The following PRKG1 variants were observed in gnomAD, a reference collection of about 807,000 sequenced individuals.
PRKG1 encodes the protein protein kinase cGMP-dependent 1.
In PRKG1, 35 loss-of-function variants were observed where a neutral mutation model predicts 88.1. The observed-to-expected ratio is 0.40, with a 90% confidence interval of 0.30 to 0.53. The LOEUF (loss-of-function observed/expected upper bound fraction) is 0.53. Ranked by LOEUF, PRKG1 falls within the 20% of genes least tolerant of loss-of-function variation. The probability of loss-of-function intolerance (pLI) is 0.59; values close to 1 mark genes in which losing one functional copy is unlikely to be tolerated. For synonymous variants in PRKG1, 303 were observed against 292.5 expected (o/e 1.04, Z -0.37); for missense variants, 540 against 839.8 (o/e 0.64, Z 4.41).
intron 1 of PRKG1, among the ~76,000 whole-genome samples, chr10:51,049,756 T>C (rs1051635155): frequency 6.6e-6 from 1 of 152,238 alleles, no homozygotes; most frequent in African/African-American, 2.4e-5. Context: ...GCCCAACATA[T>C]AATTACTGAT....
chr10:51,126,526 TA>T (rs1427882279), intron 1 of PRKG1, among the ~76,000 whole-genome samples: 1 of 146,676 alleles, frequency 6.8e-6, no homozygotes, highest in Non-Finnish European at 1.5e-5. Flanking sequence ...ATATGAATCA[TA>T]TAAATTTATT....
chr10:51,237,519 GCTCA>G (rs1839029475), intron 2 of PRKG1, among the ~76,000 whole-genome samples: 2 of 152,116 alleles, frequency 1.3e-5, no homozygotes, highest in Non-Finnish European at 2.9e-5. Context: ...AGAGTATGGA[GCTCA>G]CTCCCAAAGG....
chr10:51,670,537 C>T (rs1840532086), intron 3 of PRKG1, among the ~76,000 whole-genome samples: 1 of 149,968 alleles, frequency 6.7e-6, no homozygotes, highest in South Asian at 2.1e-4. Context: ...GAGATCGAGA[C>T]CATCCCGGCT....
At chr10:51,686,568 A>C (rs1217522189) in intron 3 of PRKG1, among the ~76,000 whole-genome samples, 1 of 152,168 alleles carries the variant, frequency 6.6e-6, no homozygotes, top group East Asian at 1.9e-4. Context: ...TGAAATCCCC[A>C]CCAATCAAAG....
intron 3 of PRKG1, among the ~76,000 whole-genome samples, chr10:51,507,148 T>G: frequency 2.7e-5 from 3 of 111,158 alleles, no homozygotes; most frequent in East Asian, 3.1e-4. Flanking sequence ...CCTCGGCCTG[T>G]TGTGGAGTAG....
intron 3 of PRKG1, among the ~76,000 whole-genome samples, chr10:51,760,788 A>G (rs1164827388): frequency 1.3e-5 from 2 of 152,232 alleles, no homozygotes; most frequent in African/African-American, 2.4e-5. Flanking sequence ...TTTCAAAAAG[A>G]TGATTTTAGA....
intron 4 of PRKG1, among the ~76,000 whole-genome samples, chr10:51,846,507 C>G (rs1840402287): frequency 6.6e-6 from 1 of 152,060 alleles, no homozygotes; most frequent in Admixed American, 6.6e-5. Context: ...ATAATGCAAC[C>G]ATTTGTTTAC....
intron 9 of PRKG1, among the ~76,000 whole-genome samples, chr10:52,230,536 G>C (rs532718634): frequency 2.8e-4 from 43 of 152,190 alleles, no homozygotes; most frequent in Non-Finnish European, 4.0e-4. Context: ...GCTTGTTTAG[G>C]TGGCCAGTGA....
At chr10:51,332,303 A>G (rs1841761295) in intron 2 of PRKG1, among the ~76,000 whole-genome samples, 1 of 152,194 alleles carries the variant, frequency 6.6e-6, no homozygotes, top group South Asian at 2.1e-4. Context: ...AAGTGCATGC[A>G]GTGGTGTTCA....
intron 3 of PRKG1, among the ~76,000 whole-genome samples, chr10:51,550,359 C>T (rs989275372): frequency 6.6e-6 from 1 of 151,922 alleles, no homozygotes; most frequent in African/African-American, 2.4e-5. Flanking sequence ...TTTGTCTTTT[C>T]TTTTGCTGTC....
intron 3 of PRKG1, among the ~76,000 whole-genome samples, chr10:51,634,648 C>T (rs1839610281): frequency 6.6e-6 from 1 of 152,078 alleles, no homozygotes; most frequent in Non-Finnish European, 1.5e-5. Context: ...ATCGACTTTA[C>T]ACTAGTCATG....
At chr10:52,068,127 C>T (rs539259454) in intron 7 of PRKG1, among the ~76,000 whole-genome samples, 11 of 100,944 alleles carry the variant, frequency 1.1e-4, no homozygotes, top group African/African-American at 3.0e-4. Flanking sequence ...GGCGTGAACC[C>T]GGGAGGCGGA....
intron 3 of PRKG1, among the ~76,000 whole-genome samples, chr10:51,699,912 C>G (rs970074120): frequency 6.6e-6 from 1 of 152,240 alleles, no homozygotes; most frequent in African/African-American, 2.4e-5. Flanking sequence ...GGAGGGGACT[C>G]TTCCCTTGAC....
intron 1 of PRKG1, among the ~76,000 whole-genome samples, chr10:51,031,283 T>G (rs985991621): frequency 6.6e-6 from 1 of 152,182 alleles, no homozygotes; most frequent in African/African-American, 2.4e-5. Flanking sequence ...TTACCCTGTT[T>G]GCAAAGTAGG....
At chr10:51,807,769 G>T (rs1365883910) in intron 4 of PRKG1, among the ~76,000 whole-genome samples, 1 of 152,158 alleles carries the variant, frequency 6.6e-6, no homozygotes, top group South Asian at 2.1e-4. Context: ...GCAGGGGAAG[G>T]TTAAAATAAT....
At chr10:51,025,010 T>C (rs1266864519) in intron 1 of PRKG1, among the ~76,000 whole-genome samples, 1 of 152,166 alleles carries the variant, frequency 6.6e-6, no homozygotes, top group Admixed American at 6.5e-5. Flanking sequence ...TTGGGCACTC[T>C]CAAGCCCAGC....
rs1304071545 is a variant in PRKG1 at position 52,289,004 on chromosome 10, T to C, written c.1895+11T>C. 7 of 1,603,812 alleles carry C rather than the reference T, an allele frequency of 4.4e-6. No individual in the cohort carries two copies. Among genetic ancestry groups the C allele is most frequent in the Non-Finnish European group, 6.0e-6 (7 of 1,173,094 alleles). On this transcript the variant is annotated intron_variant, in intron 16 of 17. Transcript: ENST00000373980. ...CATTCAAAAGCACAAGTAAGTGTTCTTTCTGCAGAGTTCTGAACACGTGAC... is the reference window on the plus strand; with the variant it reads ...CATTCAAAAGCACAAGTAAGTGTTCCTTCTGCAGAGTTCTGAACACGTGAC...
chr10:51,996,024 G>A (rs548827924), intron 5 of PRKG1, among the ~76,000 whole-genome samples: 2 of 152,118 alleles, frequency 1.3e-5, no homozygotes, highest in East Asian at 3.9e-4. Flanking sequence ...AGGGTACAGA[G>A]ATAACTGGCC....
chr10:51,990,479 T>C (rs934953285), intron 5 of PRKG1, among the ~76,000 whole-genome samples: 16 of 152,108 alleles, frequency 1.1e-4, no homozygotes, highest in African/African-American at 3.6e-4. Context: ...ATTTCTTTAC[T>C]TTTTTTGTAT....
Sources: gnomAD v4.1 joint callset for allele counts (sites outside exome capture counted in the v4.1 genomes callset) on GRCh38, gnomAD v4.1.1 for gene constraint, MANE v1.5 for transcripts, NCBI Gene and HGNC (gene_info 2026-07-23, HGNC 2026-07-21) for gene names.